The following MACROH2A1 variants were observed in gnomAD, a reference collection of about 807,000 sequenced individuals.
MACROH2A1 encodes core histone macro-H2A.1.
A neutral mutation model predicts 31.6 loss-of-function variants in MACROH2A1; 2 were observed. The ratio of observed to expected loss-of-function variants is 0.06; its 90% CI spans 0.03 to 0.20. MACROH2A1 has a LOEUF of 0.20. Ranked by LOEUF, MACROH2A1 falls within the 10% of genes least tolerant of loss-of-function variation. The pLI is 1.00. For synonymous variants in MACROH2A1, 169 were observed against 189.6 expected, an observed-to-expected ratio of 0.89 and a Z score of 0.89; for missense variants, 230 against 474.0, an observed-to-expected ratio of 0.49 and a Z score of 4.78.
At chr5:135,383,508 C>T (rs1362434380) in intron 2 of MACROH2A1, among the ~76,000 whole-genome samples, 1 of 152,138 alleles carries the variant, frequency 6.6e-6, no homozygotes, top group Non-Finnish European at 1.5e-5. Flanking sequence ...TAAATATAGT[C>T]TGCACACTGT....
Position 135,398,138 on chromosome 5 carries a change from C to T in MACROH2A1, c.-34+924G>A, listed in dbSNP as rs1768273509. Among the ~76,000 whole-genome samples the T allele has an allele frequency of 6.6e-6, 1 of 152,172 alleles. No individual in the cohort carries two copies. Among genetic ancestry groups the T allele is most frequent in the African/African-American group, 2.4e-5 (1 of 41,436 alleles). ...AGAAACATTTCCCCTAACATCTTGT[C>T]TAAAAGAACCTTTCAAGCAATGTAC... On this transcript the variant is annotated intron_variant, in intron 1 of 8. Coordinates refer to ENST00000511689, the MANE Select transcript of MACROH2A1 (RefSeq NM_138610.3). The surrounding 1 kb of genome is among the most constrained non-coding windows in gnomAD (Gnocchi z 4.6).
At chr5:135,399,428 T>C (rs1389393380), upstream of MACROH2A1, 3 of 152,380 alleles carry the variant, frequency 2.0e-5, no homozygotes, top group Non-Finnish European at 4.4e-5. This position sits in a 1 kb window ranked among gnomAD's most constrained non-coding sequence, Gnocchi z 4.5. Flanking sequence ...GTCTGACCCA[T>C]GACCCCGGGG....
At chr5:135,367,051 T>A (rs947430298) in intron 4 of MACROH2A1, among the ~76,000 whole-genome samples, 21 of 152,176 alleles carry the variant, frequency 1.4e-4, no homozygotes, top group Non-Finnish European at 2.8e-4. Flanking sequence ...GTGGGAAAAA[T>A]TATGATTTGG....
intron 2 of MACROH2A1, among the ~76,000 whole-genome samples, chr5:135,378,022 G>A (rs971264454): frequency 3.9e-5 from 6 of 152,152 alleles, no homozygotes; most frequent in African/African-American, 1.2e-4. Flanking sequence ...GTGGATTCCC[G>A]ATGCTGAGGA....
chr5:135,346,224 C>A, intron 6 of MACROH2A1, 167 bp from the exon 7 acceptor site: 1 of 613,426 alleles, frequency 1.6e-6, no homozygotes, highest in Middle Eastern at 2.8e-4. Context: ...TTGAGAAGGG[C>A]TTTGTCATCA....
At chr5:135,357,929 A>G in intron 5 of MACROH2A1, 2 of 985,150 alleles carry the variant, frequency 2.0e-6, no homozygotes, top group Non-Finnish European at 2.4e-6. Flanking sequence ...CATGCACAAT[A>G]TCACCTTTCT....
intron 1 of MACROH2A1, 61 bp from the exon 2 acceptor site, chr5:135,389,187 G>A (rs1016344057): frequency 3.7e-6 from 5 of 1,337,792 alleles, no homozygotes; most frequent in Non-Finnish European, 5.2e-6. Flanking sequence ...CCCCTTTCCA[G>A]GTACACTCTA....
At chr5:135,393,546 C>G (rs1010441178) in intron 1 of MACROH2A1, among the ~76,000 whole-genome samples, 7 of 152,230 alleles carry the variant, frequency 4.6e-5, no homozygotes, top group Non-Finnish European at 7.3e-5. Flanking sequence ...GACAAAGCAG[C>G]TTCCTAAGCA....
At chr5:135,345,289 T>C (rs1460803619) in intron 7 of MACROH2A1, 1 of 151,844 alleles carries the variant, frequency 6.6e-6, no homozygotes, top group African/African-American at 2.4e-5. Flanking sequence ...AAAGACACAA[T>C]AGGCATTGGA....
intron 2 of MACROH2A1, among the ~76,000 whole-genome samples, chr5:135,380,128 T>G (rs1765459140): frequency 6.6e-6 from 1 of 152,158 alleles, no homozygotes; most frequent in African/African-American, 2.4e-5. Context: ...TCCCTCCCCC[T>G]GAAACTCATC....
chr5:135,347,188 A>G (rs929462541), intron 6 of MACROH2A1: 3 of 152,224 alleles, frequency 2.0e-5, no homozygotes, highest in African/African-American at 7.2e-5. Context: ...TCACCCTGCG[A>G]TGACCAGGGT....
At chr5:135,353,995 C>G (rs895450377) in intron 5 of MACROH2A1, 1 of 152,264 alleles carries the variant, frequency 6.6e-6, no homozygotes, top group African/African-American at 2.4e-5. Context: ...AAAGCTTGCT[C>G]TTGCACATGC....
At chr5:135,366,457 AC>A (rs1332688815) in intron 4 of MACROH2A1, among the ~76,000 whole-genome samples, 1 of 152,154 alleles carries the variant, frequency 6.6e-6, no homozygotes, top group Non-Finnish European at 1.5e-5. Flanking sequence ...AGATGAGGAA[AC>A]TGAACACCAG....
At chr5:135,390,598 T>C (rs1472380383) in intron 1 of MACROH2A1, among the ~76,000 whole-genome samples, 1 of 152,210 alleles carries the variant, frequency 6.6e-6, no homozygotes, top group African/African-American at 2.4e-5. Context: ...CCTATGAACA[T>C]GTTTGCTCAC....
chr5:135,374,199 A>T (rs1355938776), intron 2 of MACROH2A1, among the ~76,000 whole-genome samples: 1 of 152,152 alleles, frequency 6.6e-6, no homozygotes, highest in African/African-American at 2.4e-5. Flanking sequence ...GCCATCGTAA[A>T]GGGCTTTCCT....
Position 135,398,565 on chromosome 5 carries a change from CCCCCCGGGGCTCGGG to C in MACROH2A1, c.-34+482_-34+496del, listed in dbSNP as rs1323874564. On this transcript the variant is annotated intron_variant, in intron 1 of 8. Coordinates refer to ENST00000511689, the MANE Select transcript of MACROH2A1 (RefSeq NM_138610.3). The surrounding 1 kb of genome is among the most constrained non-coding windows in gnomAD (Gnocchi z 4.6). ...AGCGAGCCAGACGCCTACACCTCGG[CCCCCCGGGGCTCGGG>C]CCCGACTTATTGTGCCGGGGCCGGC... 2.0e-5 allele frequency among the ~76,000 whole-genome samples: 3 copies of C among 152,224 alleles called. No individual in the cohort carries two copies. The East Asian group carries it at 5.8e-4, about 29-fold the overall frequency.
chr5:135,342,076 C>T lies in MACROH2A1; in HGVS notation c.953+1184G>A, dbSNP rs557654482. 5.3e-5 allele frequency among the ~76,000 whole-genome samples: 8 copies of T among 152,330 alleles called. No individual in the cohort carries two copies. In the South Asian group the frequency reaches 1.7e-3, roughly 32 times the overall value. On this transcript the variant is annotated intron_variant, in intron 8 of 8. Coordinates refer to ENST00000511689, the MANE Select transcript of MACROH2A1 (RefSeq NM_138610.3). ...GTTAACAGCTACAGCCTCTAAAGGC[C>T]AGTTTCTCTTTGCTTCAGTGCCCAA...
intron 2 of MACROH2A1, among the ~76,000 whole-genome samples, chr5:135,373,523 C>T (rs1764459144): frequency 6.6e-6 from 1 of 152,142 alleles, no homozygotes; most frequent in African/African-American, 2.4e-5. Flanking sequence ...ATTAGAGAAA[C>T]TTGAAGGACC....
At chr5:135,350,999 T>A in intron 6 of MACROH2A1, 1 of 873,122 alleles carries the variant, frequency 1.1e-6, no homozygotes, top group Non-Finnish European at 1.9e-6. Flanking sequence ...ATGGCAGGGC[T>A]GGCCTACCTG....
Sources: allele counts gnomAD v4.1 joint callset (sites outside exome capture counted in the v4.1 genomes callset), GRCh38; gene constraint gnomAD v4.1.1; non-coding constraint Gnocchi (gnomAD v3.1); transcripts MANE v1.5; gene names NCBI Gene and HGNC (gene_info 2026-07-23, HGNC 2026-07-21).